Variants in RPS6KC1 observed in about 807,000 individuals in gnomAD.
RPS6KC1 encodes the protein inactive ribosomal protein S6 kinase delta-1.
RPS6KC1 carries 54 observed loss-of-function variants against 103.8 expected under a neutral mutation model. That is an observed-to-expected ratio of 0.52 (90% CI 0.42 to 0.65). RPS6KC1 has a LOEUF of 0.65. Among genes scored for constraint, RPS6KC1 ranks in the 30% least tolerant of loss-of-function variants. The pLI, the probability that RPS6KC1 is intolerant of heterozygous loss-of-function variation, is 0.00. For missense variants in RPS6KC1, 1,151 were observed against 1,253.8 expected (o/e 0.92, Z 1.24); for synonymous variants, 439 against 438.7 (o/e 1.00, Z -0.01).
At chr1:213,856,781 G>A in the RPS6KC1 span, among the ~76,000 whole-genome samples, 14 of 152,226 alleles carry the variant, frequency 9.2e-5, no homozygotes, top group Admixed American at 2.0e-4. Flanking sequence ...CAATTCTATC[G>A]TGTAGGCACA....
intron 12 of RPS6KC1, among the ~76,000 whole-genome samples, chr1:213,249,929 C>T (rs1449398929): frequency 6.6e-6 from 1 of 152,056 alleles, no homozygotes; most frequent in Non-Finnish European, 1.5e-5. Flanking sequence ...CAGATAATTG[C>T]AGGAAAGCTC....
chr1:213,682,355 T>C, the RPS6KC1 span, among the ~76,000 whole-genome samples: 1 of 152,248 alleles, frequency 6.6e-6, no homozygotes, highest in East Asian at 1.9e-4. Flanking sequence ...ACCCCAGCAT[T>C]CATTCAACCA....
chr1:213,575,808 T>C, the RPS6KC1 span, among the ~76,000 whole-genome samples: 2 of 152,172 alleles, frequency 1.3e-5, no homozygotes, highest in Non-Finnish European at 2.9e-5. Context: ...AACAAATGCC[T>C]TTATTTCACT....
chr1:213,395,444 G>A, the RPS6KC1 span, among the ~76,000 whole-genome samples: 1 of 152,272 alleles, frequency 6.6e-6, no homozygotes, highest in African/African-American at 2.4e-5. Flanking sequence ...CTAGTCACTT[G>A]ACACCTCTGA....
At chr1:213,290,380 T>G in the RPS6KC1 span, among the ~76,000 whole-genome samples, 1 of 152,184 alleles carries the variant, frequency 6.6e-6, no homozygotes, top group African/African-American at 2.4e-5. Context: ...TCTGTACAAA[T>G]GGATAGGTAA....
intron 8 of RPS6KC1, among the ~76,000 whole-genome samples, chr1:213,178,625 A>C (rs2092051930): frequency 6.6e-6 from 1 of 152,098 alleles, no homozygotes; most frequent in Non-Finnish European, 1.5e-5. Context: ...CAGTAGAAGA[A>C]TTCCTAAGTT....
At chr1:213,158,407 A>C (rs957974052) in intron 6 of RPS6KC1, among the ~76,000 whole-genome samples, 8 of 152,194 alleles carry the variant, frequency 5.3e-5, no homozygotes, top group Non-Finnish European at 1.2e-4. Flanking sequence ...AGCTTCCTCA[A>C]AATAACCATT....
At chr1:213,492,116 T>C in the RPS6KC1 span, among the ~76,000 whole-genome samples, 3 of 152,142 alleles carry the variant, frequency 2.0e-5, no homozygotes, top group African/African-American at 7.2e-5. Context: ...CCTCTTAAAA[T>C]AGGGGTTCGG....
intron 6 of RPS6KC1, among the ~76,000 whole-genome samples, chr1:213,156,241 CA>C (rs540676088): frequency 1.4e-3 from 218 of 152,184 alleles, no homozygotes; most frequent in African/African-American, 5.0e-3. Context: ...TGATCTGTGG[CA>C]GATTAGATTT....
chr1:213,508,810 C>T, the RPS6KC1 span, among the ~76,000 whole-genome samples: 1 of 152,154 alleles, frequency 6.6e-6, no homozygotes, highest in Non-Finnish European at 1.5e-5. Flanking sequence ...GTTGATTGGT[C>T]TCAGTTGCTA....
the RPS6KC1 span, among the ~76,000 whole-genome samples, chr1:213,604,062 T>C: frequency 6.6e-6 from 1 of 151,986 alleles, no homozygotes; most frequent in Non-Finnish European, 1.5e-5. Context: ...ATTAAGGAAA[T>C]CAAGGCAATA....
the RPS6KC1 span, among the ~76,000 whole-genome samples, chr1:213,752,628 A>T: frequency 1.2e-4 from 18 of 152,340 alleles, no homozygotes; most frequent in Admixed American, 2.6e-4. Flanking sequence ...GGAGGGAAAA[A>T]AAGAGGTGCC....
At chr1:213,118,081 AATTTCAAGACTGGCTTTAGAG>A (rs2083907436) in intron 5 of RPS6KC1, among the ~76,000 whole-genome samples, 1 of 148,710 alleles carries the variant, frequency 6.7e-6, no homozygotes, top group Non-Finnish European at 1.5e-5. Context: ...TTAGAGAACT[AATTTCAAGACTGGCTTTAGAG>A]ATTTAGTCAT....
At chr1:213,161,114 A>G (rs542095110) in intron 6 of RPS6KC1, among the ~76,000 whole-genome samples, 2 of 152,214 alleles carry the variant, frequency 1.3e-5, no homozygotes, top group Non-Finnish European at 2.9e-5. Flanking sequence ...GACTATAAAC[A>G]TTGAGATGAC....
chr1:213,528,641 C>T, the RPS6KC1 span, among the ~76,000 whole-genome samples: 1 of 152,200 alleles, frequency 6.6e-6, no homozygotes, highest in Non-Finnish European at 1.5e-5. Context: ...TGTCCTTCTC[C>T]TCTTTTCATG....
chr1:213,712,757 C>T, the RPS6KC1 span, among the ~76,000 whole-genome samples: 1 of 152,192 alleles, frequency 6.6e-6, no homozygotes, highest in Non-Finnish European at 1.5e-5. Flanking sequence ...CTTCCCTGGG[C>T]TTGGGGAGGG....
the RPS6KC1 span, among the ~76,000 whole-genome samples, chr1:213,403,669 G>A: frequency 1.3e-5 from 2 of 152,080 alleles, no homozygotes; most frequent in Admixed American, 6.5e-5. Flanking sequence ...TGCTCCTCCC[G>A]TTTCTTAATA....
At chr1:213,352,953 C>T in the RPS6KC1 span, among the ~76,000 whole-genome samples, 1 of 152,228 alleles carries the variant, frequency 6.6e-6, no homozygotes, top group African/African-American at 2.4e-5. Context: ...ATTTGCTGAG[C>T]ACCCTTCAAG....
At chr1:213,654,225 C>T in the RPS6KC1 span, among the ~76,000 whole-genome samples, 1 of 152,196 alleles carries the variant, frequency 6.6e-6, no homozygotes, top group African/African-American at 2.4e-5. Context: ...CCCTTGTTCC[C>T]ATTTAACCTG....
Sources: allele counts gnomAD v4.1 joint callset (sites outside exome capture counted in the v4.1 genomes callset), GRCh38; gene constraint gnomAD v4.1.1; transcripts MANE v1.5; gene names NCBI Gene and HGNC (gene_info 2026-07-23, HGNC 2026-07-21).